The following DMD variants were observed in gnomAD, a reference collection of about 807,000 sequenced individuals.
DMD encodes the protein dystrophin.
DMD carries 63 observed loss-of-function variants against 330.1 expected under a neutral mutation model. The observed-to-expected ratio is 0.19, with a 90% CI of 0.16 to 0.24. The LOEUF is 0.24. Ranked by LOEUF, DMD falls within the 10% of genes least tolerant of loss-of-function variation. The pLI, the probability that DMD is intolerant of heterozygous loss-of-function variation, is 1.00. For synonymous variants in DMD, 1,223 were observed against 959.8 expected (o/e 1.27, Z -5.07); for missense variants, 3,344 against 2,684.1 (o/e 1.25, Z -5.43).
At chrX:32,620,669 C>T (rs1194166275) in intron 11 of DMD, among the ~76,000 whole-genome samples, 1 of 112,007 alleles carries the variant, frequency 8.9e-6, no homozygotes, top group East Asian at 2.8e-4. Context: ...CAGACATTTC[C>T]TTCAACAAAT....
chrX:32,878,574 T>A, intron 2 of DMD, among the ~76,000 whole-genome samples: 1 of 111,635 alleles, frequency 9.0e-6, no homozygotes, highest in Non-Finnish European at 1.9e-5. Context: ...CTACAGTATC[T>A]GTATTACTTT....
intron 16 of DMD, among the ~76,000 whole-genome samples, chrX:32,548,039 T>C (rs971531298): frequency 8.9e-6 from 1 of 111,753 alleles, no homozygotes; most frequent in Non-Finnish European, 1.9e-5. Context: ...AGATATAACT[T>C]GATTCGTCAT....
At chrX:32,336,843 G>C (rs781367196) in intron 41 of DMD, among the ~76,000 whole-genome samples, 13 of 111,930 alleles carry the variant, frequency 1.2e-4, no homozygotes, top group Non-Finnish European at 2.4e-4. Flanking sequence ...TTGTGTTTAA[G>C]TATAGAAAAG....
intron 63 of DMD, among the ~76,000 whole-genome samples, chrX:31,232,902 T>G (rs2047352874): frequency 8.9e-6 from 1 of 112,383 alleles, no homozygotes; most frequent in Admixed American, 9.4e-5. Flanking sequence ...ATTCCATATT[T>G]AGTCTGCTGT....
intron 2 of DMD, among the ~76,000 whole-genome samples, chrX:32,896,882 T>C (rs898226479): frequency 8.9e-6 from 1 of 112,373 alleles, no homozygotes; most frequent in Non-Finnish European, 1.9e-5. Flanking sequence ...TACGCAGAAC[T>C]TGAATTGCTG....
At chrX:32,809,404 T>A (rs2077180917) in intron 7 of DMD, 89 bp downstream of exon 7, 2 of 782,124 alleles carry the variant, frequency 2.6e-6, no homozygotes, top group East Asian at 6.4e-5. Context: ...GATATGTAGT[T>A]TTGTATTTTG....
chrX:31,766,388 A>G (rs1382020023), intron 51 of DMD, among the ~76,000 whole-genome samples: 1 of 111,610 alleles, frequency 9.0e-6, no homozygotes, highest in East Asian at 2.8e-4. Context: ...CCTCAGGAGT[A>G]GCTGGGGCTA....
intron 67 of DMD, among the ~76,000 whole-genome samples, chrX:31,201,494 G>C (rs1423019735): frequency 2.7e-5 from 3 of 112,912 alleles, no homozygotes; most frequent in African/African-American, 9.7e-5. Flanking sequence ...AGAATACAGA[G>C]TTGTTATTAC....
intron 44 of DMD, among the ~76,000 whole-genome samples, chrX:32,043,564 T>C (rs113692858): frequency 1.8e-5 from 2 of 111,790 alleles, no homozygotes; most frequent in Non-Finnish European, 3.8e-5. Context: ...ATAATTAAAA[T>C]AGAAAGAAAA....
intron 52 of DMD, among the ~76,000 whole-genome samples, chrX:31,723,066 AG>A (rs2085701601): frequency 1.1e-5 from 1 of 94,630 alleles, no homozygotes; most frequent in Non-Finnish European, 2.1e-5. Context: ...ATTATTATTC[AG>A]TGTGTGTCTA....
chrX:31,834,192 A>C (rs1191185128), intron 49 of DMD, among the ~76,000 whole-genome samples: 1 of 111,587 alleles, frequency 9.0e-6, no homozygotes. Flanking sequence ...TAACCTTTAA[A>C]AATAAATTTT....
rs111305400 is a variant in DMD, at chrX:32,879,538, C to G, written c.94-29718G>C. On this transcript the variant is annotated intron_variant, in intron 2 of 78. Coordinates refer to ENST00000357033, the MANE Select transcript of DMD (RefSeq NM_004006.3). ...ATACCAGTTATTGACAAGTGATCGT[C>G]GTTCATTCAAAAAATATTTATTGAA... 4.6e-3 allele frequency among the ~76,000 whole-genome samples: 515 copies of G among 112,199 alleles called. 8 individuals carry two copies. The East Asian group carries it at 0.067, about 15-fold the overall frequency.
chrX:33,113,426 T>A (rs1448975627), intron 1 of DMD, among the ~76,000 whole-genome samples: 3 of 112,004 alleles, frequency 2.7e-5, no homozygotes, highest in Non-Finnish European at 3.8e-5. Flanking sequence ...AAAAATAGTT[T>A]TTGATGTAAA....
In DMD at chrX:32,501,812, T is replaced by C. The variant is rs886038905; in HGVS notation, c.2323A>G (p.Arg775Gly). 3.1e-5 allele frequency: 37 copies of C among 1,206,873 alleles called. No homozygotes were observed. The highest frequency in any genetic ancestry group is 2.6e-5 in the Non-Finnish European group (23 of 893,376). ...GATCTGCTGGCATCTTGCAGTTTTC[T>C]GAACTTCTCAGCTTTTTCTCGCTCT... ...AIEREKAEKF[R>G]KLQDASRSAQ... The change falls in exon 19 of 79, where the codon AGA becomes GGA. Residue 775 changes from arginine to glycine, a missense_variant. Transcript: ENST00000357033.
Position 33,252,979 on chromosome X carries a change from T to C in DMD, c.7+86280A>G, listed in dbSNP as rs112099133. 2.0e-3 allele frequency among the ~76,000 whole-genome samples: 227 copies of C among 111,603 alleles called. 1 individual carries two copies. The highest frequency in any genetic ancestry group is 3.5e-3 in the Non-Finnish European group (185 of 53,007). ...ATAATACTTTCTGTTATGATTTAGT[T>C]GGATAATTCTGGATTATGAGTCAGT... On this transcript the variant is annotated intron_variant, in intron 1 of 17. Coordinates refer to the DMD transcript ENST00000288447.
chrX:31,135,389 AAT>A (rs2035093730), intron 76 of DMD, among the ~76,000 whole-genome samples: 1 of 112,682 alleles, frequency 8.9e-6, no homozygotes, highest in South Asian at 3.7e-4. Flanking sequence ...TAGGTAATGA[AAT>A]ATGAATATTC....
chrX:33,168,657 T>C lies in DMD; in HGVS notation c.31+42625A>G, dbSNP rs73621887. ...AATGAAAATTAGAAAAATATTGAAT[T>C]GTGGAAAACAGAAGTCAATGAGGAA... On this transcript the variant is annotated intron_variant, in intron 1 of 78. Transcript: ENST00000357033. Among the ~76,000 whole-genome samples, 606 of 110,068 alleles carry C rather than the reference T, an allele frequency of 5.5e-3. 1 individual carries two copies. Among genetic ancestry groups the C allele is most frequent in the African/African-American group, 0.018 (544 of 30,480 alleles).
intron 1 of DMD, among the ~76,000 whole-genome samples, chrX:33,187,479 A>G (rs1390629653): frequency 8.9e-6 from 1 of 112,893 alleles, no homozygotes; most frequent in Non-Finnish European, 1.9e-5. Flanking sequence ...AGCAGGCCAC[A>G]GATCCTTAAA....
intron 44 of DMD, among the ~76,000 whole-genome samples, chrX:32,007,136 G>A (rs1435170978): frequency 9.7e-6 from 1 of 103,128 alleles, no homozygotes; most frequent in Non-Finnish European, 2.0e-5. Flanking sequence ...GAGCTAATGG[G>A]TGCAGCACAC....
Sources: allele counts gnomAD v4.1 joint callset (sites outside exome capture counted in the v4.1 genomes callset), GRCh38; gene constraint gnomAD v4.1.1; transcripts MANE v1.5; gene names NCBI Gene and HGNC (gene_info 2026-07-23, HGNC 2026-07-21).